Variants in PAK1 observed in about 807,000 individuals in gnomAD.
The protein encoded by PAK1 is serine/threonine-protein kinase PAK 1.
A neutral mutation model predicts 67.4 loss-of-function variants in PAK1; 29 were observed. The ratio of observed to expected loss-of-function variants is 0.43; its 90% CI spans 0.32 to 0.59. The LOEUF (loss-of-function observed/expected upper bound fraction) is 0.59. Ranked by LOEUF, PAK1 falls within the 20% of genes least tolerant of loss-of-function variation. PAK1 has a pLI of 0.07. For missense variants in PAK1, 337 were observed against 670.7 expected (o/e 0.50, Z 5.50); for synonymous variants, 223 against 237.4 (o/e 0.94, Z 0.56).
intron 1 of PAK1, among the ~76,000 whole-genome samples, chr11:77,465,246 G>T (rs1276850526): frequency 6.6e-6 from 1 of 152,070 alleles, no homozygotes; most frequent in Non-Finnish European, 1.5e-5. Context: ...AAATGATCAG[G>T]AACAGGTGAC....
chr11:77,473,776 G>A lies in PAK1; in HGVS notation c.-246C>T, dbSNP rs1309887475. 5 of 150,686 alleles carry A rather than the reference G, an allele frequency of 3.3e-5. No homozygotes were observed. The highest frequency in any genetic ancestry group is 2.1e-4 in the South Asian group (1 of 4,748). The allele number at this position is 150,686 out of a possible 1,614,324, so 9.3% of individuals were successfully genotyped here. On this transcript the variant is annotated 5_prime_UTR_variant, in exon 1 of 15. Coordinates refer to ENST00000356341, the MANE Select transcript of PAK1 (RefSeq NM_002576.5). ...GAGCGAGGCGACGCGGGCGGGGGGG[G>A]AAGGGGGGACTGAGGGGCGAGGTGC...
At chr11:77,366,480 G>C (rs1318396716) in intron 5 of PAK1, among the ~76,000 whole-genome samples, 1 of 152,108 alleles carries the variant, frequency 6.6e-6, no homozygotes, top group African/African-American at 2.4e-5. Context: ...GGCAGTAATA[G>C]AATAAAGAAG....
Position 77,325,259 on chromosome 11 carries a change from T to G in PAK1, c.1552-1899A>C. The stretch of plus-strand genomic sequence containing the variant: ...CAGTTGTGATACTCTTTGAGCCTAT[T>G]AAGAGCAGTGGCCAAGAGCATACAC... On this transcript the variant is annotated intron_variant, in intron 14 of 14. Transcript: ENST00000356341. 4 of 1,595,716 alleles carry G rather than the reference T, an allele frequency of 2.5e-6. No homozygotes were observed. The South Asian group carries it at 3.3e-5, about 13-fold the overall frequency.
intron 1 of PAK1, among the ~76,000 whole-genome samples, chr11:77,446,633 T>C: frequency 6.6e-6 from 1 of 151,922 alleles, no homozygotes. Context: ...TGTACTTTCA[T>C]GGTAAAGTTT....
At chr11:77,345,927 G>A (rs955452853) in intron 9 of PAK1, among the ~76,000 whole-genome samples, 1 of 152,122 alleles carries the variant, frequency 6.6e-6, no homozygotes. Context: ...GGGAGGAGAG[G>A]CAGAAAGAGG....
upstream of PAK1, among the ~76,000 whole-genome samples, chr11:77,477,707 C>T (rs1009085656): frequency 1.5e-4 from 23 of 152,116 alleles, no homozygotes; most frequent in Admixed American, 1.1e-3. Flanking sequence ...GAGCCATGAC[C>T]GCACACCTTT....
intron 1 of PAK1, among the ~76,000 whole-genome samples, chr11:77,452,029 C>T (rs1956882051): frequency 6.6e-6 from 1 of 152,178 alleles, no homozygotes; most frequent in Admixed American, 6.5e-5. Context: ...ATTATTGTCT[C>T]AATTTTACAA....
chr11:77,472,588 A>G (rs1234507592), intron 1 of PAK1, among the ~76,000 whole-genome samples: 1 of 152,236 alleles, frequency 6.6e-6, no homozygotes, highest in East Asian at 1.9e-4. Flanking sequence ...AGGTCACACA[A>G]GAAGTAGATG....
intron 2 of PAK1, among the ~76,000 whole-genome samples, chr11:77,382,372 A>G (rs2729775): frequency 0.063 from 9,636 of 152,034 alleles, 681 homozygotes; most frequent in East Asian, 0.24. Context: ...ACATATTCCC[A>G]CCTCCAACTT....
At chr11:77,461,436 T>A (rs1957339466) in intron 1 of PAK1, among the ~76,000 whole-genome samples, 1 of 152,234 alleles carries the variant, frequency 6.6e-6, no homozygotes, top group African/African-American at 2.4e-5. Context: ...TGAAAGGCTT[T>A]AAGAGCAAAA....
chr11:77,423,704 G>A (rs1423471418), intron 1 of PAK1, among the ~76,000 whole-genome samples: 2 of 152,180 alleles, frequency 1.3e-5, no homozygotes, highest in Non-Finnish European at 2.9e-5. Flanking sequence ...AGGCCAAATA[G>A]TAAATATTTT....
intron 1 of PAK1, among the ~76,000 whole-genome samples, chr11:77,472,322 T>G (rs573243549): frequency 6.6e-6 from 1 of 152,310 alleles, no homozygotes; most frequent in Admixed American, 6.5e-5. Context: ...TGGGGAGTTT[T>G]TATATGCACC....
At chr11:77,503,668 A>G in the PAK1 span, among the ~76,000 whole-genome samples, 5 of 152,098 alleles carry the variant, frequency 3.3e-5, no homozygotes, top group Non-Finnish European at 5.9e-5. Context: ...TTCAAGACCA[A>G]CCTGGCCAAC....
chr11:77,387,786 C>T (rs1950633420), intron 2 of PAK1, among the ~76,000 whole-genome samples: 1 of 152,188 alleles, frequency 6.6e-6, no homozygotes. Flanking sequence ...TGGACTCAAT[C>T]TGTGTTATAA....
At chr11:77,426,842 A>T (rs1210679918) in intron 1 of PAK1, among the ~76,000 whole-genome samples, 1 of 56,660 alleles carries the variant, frequency 1.8e-5, no homozygotes, top group African/African-American at 6.0e-5. Flanking sequence ...AGCAATCTTT[A>T]AAAAAAAAAA....
chr11:77,379,455 G>A, intron 3 of PAK1, 67 bp from the exon 4 acceptor site: 1 of 1,493,328 alleles, frequency 6.7e-7, no homozygotes, highest in Admixed American at 2.0e-5. Flanking sequence ...GAACATCAGA[G>A]CTAACTTTGA....
chr11:77,327,518 C>G (rs1335943297), intron 14 of PAK1, among the ~76,000 whole-genome samples: 2 of 143,666 alleles, frequency 1.4e-5, no homozygotes, highest in African/African-American at 5.1e-5. Flanking sequence ...CCCAGAATTT[C>G]ATATCCAGCC....
At chr11:77,333,185 C>A (rs1014180172) in intron 13 of PAK1, among the ~76,000 whole-genome samples, 2 of 145,306 alleles carry the variant, frequency 1.4e-5, no homozygotes, top group Non-Finnish European at 1.5e-5. Flanking sequence ...AGGGTTTATT[C>A]TTCTTCTTCT....
In PAK1 at chr11:77,447,997, A is replaced by C. The variant is rs376389801; in HGVS notation, c.-22+25555T>G. ...TCTAGTCCATCACTGCATTAAACAC[A>C]TCTACATACTCAATTTGTGTGTTTT... On this transcript the variant is annotated intron_variant, in intron 1 of 14. Coordinates refer to ENST00000356341, the MANE Select transcript of PAK1 (RefSeq NM_002576.5). 1.7e-4 allele frequency among the ~76,000 whole-genome samples: 26 copies of C among 152,324 alleles called. No homozygotes were observed. The South Asian group carries it at 5.4e-3, about 32-fold the overall frequency.
Sources: gnomAD v4.1 joint callset for allele counts (sites outside exome capture counted in the v4.1 genomes callset) on GRCh38, gnomAD v4.1.1 for gene constraint, MANE v1.5 for transcripts, NCBI Gene and HGNC (gene_info 2026-07-23, HGNC 2026-07-21) for gene names.